Variants in LAMA2 observed in about 807,000 individuals in gnomAD.
The protein encoded by LAMA2 is laminin subunit alpha-2.
Under a neutral mutation model 364.8 loss-of-function variants are expected in LAMA2, and 269 were observed. The observed-to-expected ratio is 0.74, with a 90% confidence interval of 0.67 to 0.82. The LOEUF is 0.82. Ranked by LOEUF, LAMA2 falls within the 40% of genes least tolerant of loss-of-function variation. The probability of loss-of-function intolerance (pLI) is 0.00; values close to 1 mark genes in which losing one functional copy is unlikely to be tolerated. For synonymous variants in LAMA2, 1,379 were observed against 1,370.6 expected (o/e 1.01, Z -0.14); for missense variants, 3,807 against 3,873.2 (o/e 0.98, Z 0.45).
chr6:129,205,522 A>C (rs1175275088), intron 12 of LAMA2, among the ~76,000 whole-genome samples: 2 of 146,438 alleles, frequency 1.4e-5, no homozygotes, highest in Non-Finnish European at 3.0e-5. Context: ...ACACACACAC[A>C]CACACACACA....
chr6:129,485,864 C>T (rs1365766863), intron 55 of LAMA2, among the ~76,000 whole-genome samples: 1 of 152,182 alleles, frequency 6.6e-6, no homozygotes, highest in Non-Finnish European at 1.5e-5. Flanking sequence ...GGCATCAGCT[C>T]TAGGGACAAG....
chr6:128,896,922 G>T (rs1776809219), intron 1 of LAMA2, among the ~76,000 whole-genome samples: 1 of 152,200 alleles, frequency 6.6e-6, no homozygotes, highest in South Asian at 2.1e-4. Flanking sequence ...AATAAAACTA[G>T]TTAACATCTA....
chr6:129,379,065 A>G (rs1448806064), intron 34 of LAMA2, among the ~76,000 whole-genome samples: 1 of 152,220 alleles, frequency 6.6e-6, no homozygotes, highest in East Asian at 1.9e-4. Flanking sequence ...AGGGACATGG[A>G]TGGAGCTGGA....
Position 129,506,356 on chromosome 6 carries a change from AAAAT to A in LAMA2, c.8703+1021_8703+1024del, listed in dbSNP as rs920313711. Among the ~76,000 whole-genome samples, 16 of 152,080 alleles carry A rather than the reference AAAAT, an allele frequency of 1.1e-4. No individual in the cohort carries two copies. The East Asian group carries it at 1.9e-3, about 18-fold the overall frequency. ...CAACAGAGCGAGACCCTGTCTCAAA[AAAAT>A]AAATAAATAAATAAATAAAAATAAA... is the stretch of plus-strand genomic sequence containing the variant. On this transcript the variant is annotated intron_variant, in intron 61 of 64. Transcript: ENST00000421865.
intron 49 of LAMA2, among the ~76,000 whole-genome samples, chr6:129,460,558 T>A (rs1583805205): frequency 6.6e-6 from 1 of 152,076 alleles, no homozygotes; most frequent in African/African-American, 2.4e-5. Flanking sequence ...AGTCATATGT[T>A]TTTATAAAAT....
At chr6:129,378,770 G>A (rs1778516496) in intron 34 of LAMA2, among the ~76,000 whole-genome samples, 1 of 152,166 alleles carries the variant, frequency 6.6e-6, no homozygotes. Context: ...GTACATGTAA[G>A]TTCAGATAAG....
intron 7 of LAMA2, among the ~76,000 whole-genome samples, chr6:129,150,510 T>G (rs1226990725): frequency 6.6e-6 from 1 of 152,144 alleles, no homozygotes; most frequent in Non-Finnish European, 1.5e-5. Context: ...TGCAAAATCC[T>G]TTACCACTCT....
chr6:129,129,695 C>T (rs907613166), intron 4 of LAMA2, among the ~76,000 whole-genome samples: 8 of 151,882 alleles, frequency 5.3e-5, no homozygotes, highest in Admixed American at 3.9e-4. Context: ...GAGGCCGAGG[C>T]GGGCGGATCA....
At chr6:129,398,066 A>G (rs1167266719) in intron 37 of LAMA2, among the ~76,000 whole-genome samples, 2 of 152,236 alleles carry the variant, frequency 1.3e-5, no homozygotes, top group Non-Finnish European at 2.9e-5. Context: ...ATTGAAATCA[A>G]AATATATATA....
At chr6:129,280,986 C>T (rs1053045686) in intron 18 of LAMA2, among the ~76,000 whole-genome samples, 10 of 152,060 alleles carry the variant, frequency 6.6e-5, no homozygotes, top group African/African-American at 2.4e-4. Flanking sequence ...TGGCAGCTAT[C>T]ACCCCTGTTT....
chr6:128,937,534 T>C (rs535379252), intron 1 of LAMA2, among the ~76,000 whole-genome samples: 1 of 152,260 alleles, frequency 6.6e-6, no homozygotes, highest in African/African-American at 2.4e-5. Context: ...TCTTGGTCGA[T>C]TCTATGTGTC....
chr6:129,353,023 T>C (rs186729675), intron 31 of LAMA2, 141 bp from the exon 32 acceptor site: 7 of 608,118 alleles, frequency 1.2e-5, no homozygotes, highest in Non-Finnish European at 2.0e-5. Context: ...CTGTTTACTA[T>C]CTGACCCTTT....
chr6:128,931,550 C>T lies in LAMA2; in HGVS notation c.112+48193C>T, dbSNP rs371140013. ...TTATTAAGTTAAAAAACATAAATAT[C>T]TGAGAAATGAACTGAGAAAAGGAGA... On this transcript the variant is annotated intron_variant, in intron 1 of 64. Transcript: ENST00000421865. Among the ~76,000 whole-genome samples, 40 of 152,168 alleles carry T rather than the reference C, an allele frequency of 2.6e-4. No homozygotes were observed. The East Asian group carries it at 6.8e-3, about 26-fold the overall frequency.
chr6:128,970,281 T>A (rs1339882944), intron 1 of LAMA2, among the ~76,000 whole-genome samples: 1 of 152,214 alleles, frequency 6.6e-6, no homozygotes, highest in Non-Finnish European at 1.5e-5. Context: ...GTGACAAGGT[T>A]TAAAAAAATT....
chr6:129,357,337 A>G (rs1777204516), intron 32 of LAMA2, among the ~76,000 whole-genome samples: 1 of 152,086 alleles, frequency 6.6e-6, no homozygotes, highest in Non-Finnish European at 1.5e-5. Flanking sequence ...CTCCTAGAGA[A>G]CAGAAATTAA....
chr6:129,368,859 C>A (rs1777919015), intron 33 of LAMA2, among the ~76,000 whole-genome samples: 2 of 152,182 alleles, frequency 1.3e-5, no homozygotes, highest in South Asian at 2.1e-4. Context: ...TGCTCAATTT[C>A]TTTAACTATG....
At chr6:129,436,240 C>G (rs1157755622) in intron 41 of LAMA2, among the ~76,000 whole-genome samples, 1 of 152,036 alleles carries the variant, frequency 6.6e-6, no homozygotes, top group Admixed American at 6.6e-5. Context: ...CAGTTTCTAC[C>G]CACTATTAAT....
chr6:128,973,731 T>C (rs1782344906), intron 1 of LAMA2, among the ~76,000 whole-genome samples: 1 of 152,134 alleles, frequency 6.6e-6, no homozygotes, highest in Non-Finnish European at 1.5e-5. Flanking sequence ...GTTTTTTCAA[T>C]GTACTGAAGG....
At chr6:129,213,777 T>G (rs1783253784) in intron 12 of LAMA2, among the ~76,000 whole-genome samples, 2 of 152,206 alleles carry the variant, frequency 1.3e-5, no homozygotes, top group South Asian at 4.1e-4. Context: ...CAGGTATATC[T>G]TTTGCAAATA....
Sources: allele counts gnomAD v4.1 joint callset (sites outside exome capture counted in the v4.1 genomes callset), GRCh38; gene constraint gnomAD v4.1.1; transcripts MANE v1.5; gene names NCBI Gene and HGNC (gene_info 2026-07-23, HGNC 2026-07-21).